SYTL2: variants seen among roughly 807,000 people sequenced by gnomAD.
SYTL2 encodes the protein synaptotagmin like 2.
A neutral mutation model predicts 198.7 loss-of-function variants in SYTL2; 165 were observed. The observed-to-expected ratio is 0.83, with a 90% CI of 0.73 to 0.94. The LOEUF (loss-of-function observed/expected upper bound fraction) is 0.94, where lower values mean the gene tolerates loss of function less well. SYTL2 is among the 40% of genes least tolerant of loss of function. SYTL2 has a pLI of 0.00. For synonymous variants in SYTL2, 966 were observed against 917.7 expected (o/e 1.05, Z -0.95); for missense variants, 2,835 against 2,582.8 (o/e 1.10, Z -2.12).
intron 4 of SYTL2, among the ~76,000 whole-genome samples, chr11:85,744,010 T>C (rs1213423653): frequency 6.6e-6 from 1 of 152,170 alleles, no homozygotes; most frequent in Admixed American, 6.5e-5. Context: ...TCTCTTTGTG[T>C]TTCTTTAACA....
At chr11:85,850,891 T>C in the SYTL2 span, among the ~76,000 whole-genome samples, 8 of 149,430 alleles carry the variant, frequency 5.4e-5, no homozygotes, top group African/African-American at 1.2e-4. Flanking sequence ...ATGGATGAAA[T>C]TGGAAATCAT....
intron 16 of SYTL2, among the ~76,000 whole-genome samples, chr11:85,702,159 C>G (rs1437081533): frequency 6.6e-6 from 1 of 151,026 alleles, no homozygotes; most frequent in Admixed American, 6.6e-5. Context: ...GCCCGTAAAC[C>G]TTGGGAATAG....
chr11:85,779,111 TTGCAACCAATTTA>T (rs1264788005), intron 1 of SYTL2, among the ~76,000 whole-genome samples: 1 of 152,142 alleles, frequency 6.6e-6, no homozygotes. Flanking sequence ...TCTCAGTCAT[TTGCAACCAATTTA>T]TGAAATCGTG....
At chr11:85,738,727 TCA>T (rs2153503045) in intron 4 of SYTL2, among the ~76,000 whole-genome samples, 1 of 152,342 alleles carries the variant, frequency 6.6e-6, no homozygotes, top group Non-Finnish European at 1.5e-5. Context: ...GATGCTATGC[TCA>T]GTTTCTCAGA....
In SYTL2 at chr11:85,727,023, C is replaced by T. The variant is rs1201889192; in HGVS notation, c.2335G>A (p.Val779Ile). Residue 779 changes from valine (V) to isoleucine (I), a missense_variant, in exon 8 of 20, where the codon GTT (valine) becomes ATT (isoleucine). By Grantham distance (29) the Val-to-Ile change is conservative. This residue lies in a region of SYTL2 where 2,645 missense variants were observed against 2,381.7 expected (regional missense o/e 1.11). Coordinates refer to ENST00000359152, the MANE Select transcript of SYTL2 (RefSeq NM_206927.4). The stretch of plus-strand genomic sequence containing the variant: ...TCTCTCTGCACTTGGTTCTTGGGAA[C>T]CTCACCAGCTTCTTGCTGGAATTGG... ...EVQFQQEAGEVPKNQVQREKY... is the reference protein window; with the variant it reads ...EVQFQQEAGEIPKNQVQREKY... 2 of 1,536,378 alleles carry T rather than the reference C, an allele frequency of 1.3e-6. No individual in the cohort carries two copies. The highest frequency in any genetic ancestry group is 8.7e-7 in the Non-Finnish European group (1 of 1,146,982).
chr11:85,785,611 G>C (rs1245353983), intron 1 of SYTL2, among the ~76,000 whole-genome samples: 1 of 152,096 alleles, frequency 6.6e-6, no homozygotes, highest in Non-Finnish European at 1.5e-5. Context: ...GAAAATATGA[G>C]TTGGCTCAGG....
chr11:85,851,385 G>A, the SYTL2 span, among the ~76,000 whole-genome samples: 1 of 152,118 alleles, frequency 6.6e-6, no homozygotes, highest in African/African-American at 2.4e-5. Flanking sequence ...TCCTAGTTCG[G>A]GTCTTTACAA....
intron 13 of SYTL2, among the ~76,000 whole-genome samples, chr11:85,710,044 T>C (rs191142354): frequency 2.2e-4 from 34 of 152,348 alleles, no homozygotes; most frequent in Middle Eastern, 3.4e-3. Flanking sequence ...TGCAATGTTA[T>C]TTAGATGCTG....
In SYTL2 at chr11:85,717,983, G is replaced by A. The variant is rs572214368; in HGVS notation, c.5483-453C>T. ...TTGTAAACATAAAATAAGAAAGACA[G>A]AACGATTACATAAAAGTAAAGAATG... On this transcript the variant is annotated intron_variant, in intron 10 of 19. Transcript: ENST00000359152. 2.0e-5 allele frequency among the ~76,000 whole-genome samples: 3 copies of A among 152,266 alleles called. No homozygotes were observed. In the East Asian group the frequency reaches 5.8e-4, roughly 29 times the overall value.
the SYTL2 span, among the ~76,000 whole-genome samples, chr11:85,847,519 T>C: frequency 6.6e-5 from 10 of 152,234 alleles, no homozygotes; most frequent in Non-Finnish European, 1.2e-4. Context: ...ATACAGTATA[T>C]GTGTTTAACC....
intron 1 of SYTL2, among the ~76,000 whole-genome samples, chr11:85,771,264 G>A (rs1040788400): frequency 2.0e-5 from 3 of 152,174 alleles, no homozygotes; most frequent in Non-Finnish European, 4.4e-5. Flanking sequence ...TCAGAGAGCA[G>A]GGGAGAAGCA....
the SYTL2 span, among the ~76,000 whole-genome samples, chr11:85,825,962 C>T: frequency 1.2e-4 from 18 of 152,320 alleles, no homozygotes; most frequent in African/African-American, 4.1e-4. Context: ...TAGCAACTGC[C>T]ACGGAGAGAA....
At position 85,725,330 on chromosome 11, in the gene SYTL2, G is replaced by T. The variant is rs139341802; in HGVS notation, c.4028C>A (p.Ala1343Asp). 6.2e-7 allele frequency: 1 copy of T among 1,613,874 alleles called. No individual in the cohort carries two copies. The highest frequency in any genetic ancestry group is 8.5e-7 in the Non-Finnish European group (1 of 1,179,938). Residue 1343 changes from alanine to aspartate, a missense_variant, in exon 8 of 20, where the codon GCT (alanine) becomes GAT (aspartate). By Grantham distance (126) the Ala-to-Asp change is moderately radical. Around this residue, in one of 3 missense-constraint regions of SYTL2, gnomAD observed 2,645 missense variants for 2,381.7 expected, o/e 1.11. Coordinates refer to ENST00000359152, the MANE Select transcript of SYTL2 (RefSeq NM_206927.4). ...FPQDAHLVPQ[A>D]RVHPSQTEIS... is the part of the protein sequence containing the mutation. ...TTCCGTTTGAGAAGGGTGTACCCTA[G>T]CCTGGGGAACAAGATGAGCATCCTG...
chr11:85,833,104 AAGGAAG>A, the SYTL2 span, among the ~76,000 whole-genome samples: 8 of 57,890 alleles, frequency 1.4e-4, no homozygotes, highest in East Asian at 8.9e-4. Context: ...AGAAAGAAGG[AAGGAAG>A]GAAGGAAGGA....
intron 1 of SYTL2, among the ~76,000 whole-genome samples, chr11:85,799,431 C>A (rs2092851800): frequency 6.6e-6 from 1 of 152,114 alleles, no homozygotes; most frequent in African/African-American, 2.4e-5. Flanking sequence ...GAAGAATTAG[C>A]ATAGAGCTGC....
chr11:85,837,077 CA>C, the SYTL2 span, among the ~76,000 whole-genome samples: 4 of 152,314 alleles, frequency 2.6e-5, no homozygotes, highest in Admixed American at 2.6e-4. Flanking sequence ...CTCAAGCAAT[CA>C]ATATGCATCC....
chr11:85,827,726 G>T, the SYTL2 span, among the ~76,000 whole-genome samples: 1 of 152,160 alleles, frequency 6.6e-6, no homozygotes, highest in Non-Finnish European at 1.5e-5. Flanking sequence ...CTAGCTCCAA[G>T]GTTCAGAAAT....
At chr11:85,750,555 T>C (rs1017790308) in intron 2 of SYTL2, among the ~76,000 whole-genome samples, 1 of 152,190 alleles carries the variant, frequency 6.6e-6, no homozygotes, top group African/African-American at 2.4e-5. Context: ...TCTGTTGTAC[T>C]CACTAACCTG....
intron 9 of SYTL2, chr11:85,719,371 G>T (rs566018715): frequency 2.8e-6 from 3 of 1,084,920 alleles, no homozygotes; most frequent in Non-Finnish European, 3.4e-6. Context: ...GGAAGGGAGC[G>T]TGCAGGAATA....
Sources: gnomAD v4.1 joint callset for allele counts (sites outside exome capture counted in the v4.1 genomes callset) on GRCh38, gnomAD v4.1.1 for gene constraint, gnomAD v4.1.1 regional missense constraint, MANE v1.5 for transcripts, NCBI Gene and HGNC (gene_info 2026-07-23, HGNC 2026-07-21) for gene names.